ECE1: variants seen among roughly 807,000 people sequenced by gnomAD.
The protein encoded by ECE1 is endothelin converting enzyme 1, also known as endothelin-converting enzyme 1.
In ECE1, 35 loss-of-function variants were observed where a neutral mutation model predicts 98.6. The ratio of observed to expected loss-of-function variants is 0.35; its 90% CI spans 0.27 to 0.47. The LOEUF is 0.47. Ranked by LOEUF, ECE1 falls within the 20% of genes least tolerant of loss-of-function variation. ECE1 has a pLI of 1.00. For synonymous variants in ECE1, 394 were observed against 407.1 expected, an observed-to-expected ratio of 0.97 and a Z score of 0.39; for missense variants, 814 against 1,025.3, an observed-to-expected ratio of 0.79 and a Z score of 2.81.
intron 9 of ECE1, among the ~76,000 whole-genome samples, chr1:21,245,984 G>T (rs373365180): frequency 2.0e-5 from 3 of 151,944 alleles, no homozygotes; most frequent in African/African-American, 7.3e-5. Context: ...TTTTTTCAGA[G>T]CCTGGTGAGG....
chr1:21,238,843 C>T (rs372361979), intron 10 of ECE1, among the ~76,000 whole-genome samples: 16 of 151,932 alleles, frequency 1.1e-4, no homozygotes, highest in Non-Finnish European at 1.9e-4. Flanking sequence ...GGCAGGGTCT[C>T]GCTCTGTCAC....
At chr1:21,247,914 A>C (rs993419988) in intron 8 of ECE1, among the ~76,000 whole-genome samples, 1 of 152,062 alleles carries the variant, frequency 6.6e-6, no homozygotes, top group Non-Finnish European at 1.5e-5. Context: ...TAATAACAGA[A>C]CCCACTTCAC....
At chr1:21,234,406 T>C (rs531287864) in intron 13 of ECE1, among the ~76,000 whole-genome samples, 2 of 150,614 alleles carry the variant, frequency 1.3e-5, no homozygotes, top group African/African-American at 2.4e-5. Context: ...ATCTCATAAG[T>C]AAAGTAGAAA....
chr1:21,290,337 CCGCCCTCCAGGCCG>C lies in ECE1; in HGVS notation c.51+13_51+26del. 5 of 1,228,036 alleles carry C rather than the reference CCGCCCTCCAGGCCG, an allele frequency of 4.1e-6. No homozygotes were observed. Among genetic ancestry groups the C allele is most frequent in the Non-Finnish European group, 5.1e-6 (5 of 988,746 alleles). The allele number at this position is 1,228,036 out of a possible 1,614,324, so 76.1% of individuals were successfully genotyped here. On this transcript the variant is annotated intron_variant, in intron 1 of 18. Transcript: ENST00000374893. The surrounding 1 kb of genome is among the most constrained non-coding windows in gnomAD (Gnocchi z 7.3). The stretch of plus-strand genomic sequence containing the variant: ...GAGGGGTCCCGCCCGCCTCCCGCCC[CCGCCCTCCAGGCCG>C]CGCCCGCCTCACCCCCAGCGCCGAC...
chr1:21,303,722 C>T (rs1022830994), intron 1 of ECE1, among the ~76,000 whole-genome samples: 1 of 152,120 alleles, frequency 6.6e-6, no homozygotes, highest in Non-Finnish European at 1.5e-5. Flanking sequence ...CATCTCAGCT[C>T]GCTGCAACCT....
intron 1 of ECE1, among the ~76,000 whole-genome samples, chr1:21,342,737 C>T (rs1639425781): frequency 6.6e-6 from 1 of 152,136 alleles, no homozygotes; most frequent in Admixed American, 6.5e-5. Context: ...GTTTAAAAGC[C>T]GCGGAGCAGG....
intron 2 of ECE1, among the ~76,000 whole-genome samples, chr1:21,288,068 T>C (rs1439901540): frequency 3.3e-5 from 5 of 152,192 alleles, no homozygotes; most frequent in African/African-American, 1.2e-4. Context: ...GGCTACTTCA[T>C]GTTCACTTTG....
intron 10 of ECE1, among the ~76,000 whole-genome samples, chr1:21,239,535 T>A (rs1200474234): frequency 6.6e-6 from 1 of 152,194 alleles, no homozygotes; most frequent in Non-Finnish European, 1.5e-5. Context: ...AACATACTAC[T>A]TGGCAACAAA....
chr1:21,304,353 A>G (rs989822414), intron 1 of ECE1, among the ~76,000 whole-genome samples: 5 of 149,704 alleles, frequency 3.3e-5, no homozygotes, highest in African/African-American at 9.9e-5. Context: ...AGATACGCCA[A>G]TGCTGGGACC....
intron 12 of ECE1, 87 bp downstream of exon 12, chr1:21,236,659 A>G: frequency 7.5e-7 from 1 of 1,327,746 alleles, no homozygotes; most frequent in Non-Finnish European, 1.1e-6. Flanking sequence ...CAAAAAACAA[A>G]CAAAAAAACC....
chr1:21,240,188 CAACA>C (rs1235646076), intron 10 of ECE1, among the ~76,000 whole-genome samples: 1 of 146,962 alleles, frequency 6.8e-6, no homozygotes, highest in Non-Finnish European at 1.5e-5. Context: ...CAAAAACAAA[CAACA>C]AACAAACAAA....
At chr1:21,278,920 A>G (rs2098250942) in intron 3 of ECE1, among the ~76,000 whole-genome samples, 1 of 152,220 alleles carries the variant, frequency 6.6e-6, no homozygotes, top group Non-Finnish European at 1.5e-5. Flanking sequence ...TAGAGAAGAC[A>G]CAGGCTGAGG....
At chr1:21,284,070 G>A (rs1030931115) in intron 2 of ECE1, among the ~76,000 whole-genome samples, 11 of 152,330 alleles carry the variant, frequency 7.2e-5, no homozygotes, top group East Asian at 1.9e-4. Flanking sequence ...GGGCTGGGCC[G>A]TGAGTCAGGG....
At chr1:21,265,584 A>G (rs1263053224) in intron 4 of ECE1, among the ~76,000 whole-genome samples, 1 of 152,142 alleles carries the variant, frequency 6.6e-6, no homozygotes, top group Non-Finnish European at 1.5e-5. Context: ...TGAATAAGAA[A>G]AAGGTCTCTA....
chr1:21,255,422 G>C (rs2098218627), intron 8 of ECE1, among the ~76,000 whole-genome samples: 1 of 152,212 alleles, frequency 6.6e-6, no homozygotes, highest in South Asian at 2.1e-4. Context: ...GCCCTTGGAC[G>C]TTGGGCTTCT....
At chr1:21,312,326 T>C (rs1638746066) in intron 1 of ECE1, among the ~76,000 whole-genome samples, 1 of 150,508 alleles carries the variant, frequency 6.6e-6, no homozygotes, top group Non-Finnish European at 1.5e-5. Flanking sequence ...TAGTCCCAGC[T>C]ACTCAGGAGG....
intron 8 of ECE1, among the ~76,000 whole-genome samples, chr1:21,253,742 G>T (rs543699643): frequency 7.1e-6 from 1 of 141,164 alleles, no homozygotes; most frequent in South Asian, 2.2e-4. Context: ...CAGCCTGGGC[G>T]AGAGCGCGAG....
intron 1 of ECE1, among the ~76,000 whole-genome samples, chr1:21,333,820 C>T (rs1302092774): frequency 2.6e-5 from 4 of 151,464 alleles, no homozygotes. Context: ...GGCAACAGAG[C>T]GAGACTCCGT....
At position 21,225,365 on chromosome 1, in the gene ECE1, G is replaced by A. The variant is rs963835727; in HGVS notation, c.1925C>T (p.Thr642Ile). The A allele has an allele frequency of 6.2e-7, 1 of 1,614,198 alleles. No homozygotes were observed. The change falls in exon 17 of 19, where the codon ACC (threonine) becomes ATC (isoleucine). Residue 642 changes from threonine (T) to isoleucine (I), a missense_variant. Thr to Ile is a moderately conservative substitution (Grantham distance 89, BLOSUM62 -1). Transcript: ENST00000374893. This position sits in a 1 kb window ranked among gnomAD's most constrained non-coding sequence, Gnocchi z 5.3. ...NSSVEAFKRQ[T>I]ECMVEQYSNY... ...GCTGTACTGCTCTACCATGCACTCG[G>A]TCTGACGCTTGAAGGCCTCCACGGA...
Sources: allele counts gnomAD v4.1 joint callset (sites outside exome capture counted in the v4.1 genomes callset), GRCh38; gene constraint gnomAD v4.1.1; non-coding constraint Gnocchi (gnomAD v3.1); transcripts MANE v1.5; gene names NCBI Gene and HGNC (gene_info 2026-07-23, HGNC 2026-07-21).